MANBA: variants seen among roughly 807,000 people sequenced by gnomAD.
The protein encoded by MANBA is beta-mannosidase.
MANBA carries 83 observed loss-of-function variants against 111.1 expected under a neutral mutation model. The ratio of observed to expected loss-of-function variants is 0.75; its 90% CI spans 0.63 to 0.90. The LOEUF (loss-of-function observed/expected upper bound fraction) is 0.90. Ranked by LOEUF, MANBA falls within the 40% of genes least tolerant of loss-of-function variation. The pLI is 0.00. For missense variants in MANBA, 1,036 were observed against 1,069.0 expected, an observed-to-expected ratio of 0.97 and a Z score of 0.43; for synonymous variants, 370 against 378.7, an observed-to-expected ratio of 0.98 and a Z score of 0.27.
chr4:102,692,880 A>G (rs2110246333), intron 5 of MANBA, among the ~76,000 whole-genome samples: 1 of 152,052 alleles, frequency 6.6e-6, no homozygotes, highest in South Asian at 2.1e-4. Flanking sequence ...AAAAAAAGCT[A>G]GGTTTCTATG....
intron 5 of MANBA, among the ~76,000 whole-genome samples, chr4:102,712,684 A>C (rs1042064459): frequency 6.6e-6 from 1 of 151,842 alleles, no homozygotes; most frequent in African/African-American, 2.4e-5. Flanking sequence ...AGGCCTGGCT[A>C]ATTTTTGTAT....
chr4:102,729,763 C>T, intron 1 of MANBA: 1 of 1,237,276 alleles, frequency 8.1e-7, no homozygotes, highest in Non-Finnish European at 1.2e-6. Flanking sequence ...AACATGTTGT[C>T]CATGTTGCTC....
intron 7 of MANBA, among the ~76,000 whole-genome samples, chr4:102,688,360 CTCTT>C (rs1732315185): frequency 6.9e-6 from 1 of 144,660 alleles, no homozygotes; most frequent in South Asian, 2.3e-4. Context: ...CACATACACA[CTCTT>C]TCTCTCTCTC....
At chr4:102,757,175 C>G (rs1250912619) in intron 1 of MANBA, among the ~76,000 whole-genome samples, 1 of 151,884 alleles carries the variant, frequency 6.6e-6, no homozygotes, top group African/African-American at 2.4e-5. Flanking sequence ...ACTAAAAGTA[C>G]AAAATTAGCC....
At chr4:102,661,734 T>C (rs1232638448) in intron 11 of MANBA, among the ~76,000 whole-genome samples, 1 of 152,192 alleles carries the variant, frequency 6.6e-6, no homozygotes, top group Non-Finnish European at 1.5e-5. Flanking sequence ...TATAAATCCT[T>C]TATTCTTGAG....
At chr4:102,721,382 A>G (rs59031610) in intron 4 of MANBA, among the ~76,000 whole-genome samples, 8,660 of 152,228 alleles carry the variant, frequency 0.057, 727 homozygotes, top group African/African-American at 0.18. Context: ...AAAATTAAAA[A>G]TAGAATTACC....
intron 1 of MANBA, chr4:102,729,998 G>T (rs778157399): frequency 4.1e-5 from 35 of 863,798 alleles, no homozygotes; most frequent in Non-Finnish European, 6.4e-5. Context: ...CACCCACGCT[G>T]CTGCCCTCAC....
At chr4:102,733,142 G>T (rs1466783191) in intron 1 of MANBA, among the ~76,000 whole-genome samples, 1 of 152,140 alleles carries the variant, frequency 6.6e-6, no homozygotes, top group Non-Finnish European at 1.5e-5. Context: ...ATGTCATTCT[G>T]GATGTTAAAT....
chr4:102,664,660 T>C (rs545352296), intron 11 of MANBA, 25 bp downstream of exon 11: 2 of 1,588,618 alleles, frequency 1.3e-6, no homozygotes, highest in African/African-American at 2.7e-5. Flanking sequence ...TCTTAAATTC[T>C]ACTGCATTAA....
chr4:102,758,468 T>A (rs1420181465), intron 1 of MANBA, among the ~76,000 whole-genome samples: 1 of 152,164 alleles, frequency 6.6e-6, no homozygotes, highest in Non-Finnish European at 1.5e-5. Flanking sequence ...AGGGATGTTA[T>A]AATAAAGCAG....
intron 1 of MANBA, among the ~76,000 whole-genome samples, chr4:102,731,233 C>A (rs1723024160): frequency 6.6e-6 from 1 of 151,662 alleles, no homozygotes; most frequent in Non-Finnish European, 1.5e-5. Context: ...AAACACAAAA[C>A]CACCAGTATC....
intron 1 of MANBA, among the ~76,000 whole-genome samples, chr4:102,754,194 T>C (rs966171488): frequency 1.3e-5 from 2 of 152,170 alleles, no homozygotes; most frequent in Non-Finnish European, 1.5e-5. Flanking sequence ...ATAAGCACTC[T>C]GATAAAATAA....
intron 7 of MANBA, among the ~76,000 whole-genome samples, chr4:102,680,696 T>C (rs563707646): frequency 6.6e-6 from 1 of 152,362 alleles, no homozygotes; most frequent in Admixed American, 6.5e-5. Context: ...TTCTTTGATT[T>C]TTGCATGAAC....
rs951792572 is a variant in MANBA at position 102,673,909 on chromosome 4, A to G, written c.1112+10T>C. ...AAAAGAAGAACAAGAAAAGAAAGAC[A>G]ATAACTTACAACTCAGAGGTTACTC... On this transcript the variant is annotated intron_variant, in intron 8 of 16. Transcript: ENST00000647097. 38 of 1,604,416 alleles carry G rather than the reference A, an allele frequency of 2.4e-5. No individual in the cohort carries two copies. The highest frequency in any genetic ancestry group is 3.1e-5 in the Non-Finnish European group (36 of 1,171,314).
At chr4:102,669,316 A>T (rs1359606337) in intron 9 of MANBA, among the ~76,000 whole-genome samples, 1 of 152,192 alleles carries the variant, frequency 6.6e-6, no homozygotes, top group Non-Finnish European at 1.5e-5. Context: ...AATTTGAAAA[A>T]GAAAAAATGT....
intron 5 of MANBA, among the ~76,000 whole-genome samples, chr4:102,697,153 A>C (rs1219506115): frequency 1.3e-5 from 2 of 152,118 alleles, no homozygotes; most frequent in Admixed American, 1.3e-4. Context: ...TCAAGCAATG[A>C]GGAGACTAAT....
intron 7 of MANBA, among the ~76,000 whole-genome samples, chr4:102,678,802 T>A (rs1731837890): frequency 6.6e-6 from 1 of 152,104 alleles, no homozygotes; most frequent in African/African-American, 2.4e-5. Context: ...GCCTAAGAGG[T>A]ACGTGACTGA....
intron 5 of MANBA, among the ~76,000 whole-genome samples, chr4:102,709,154 GGAAAGGAAAA>G (rs1019076844): frequency 6.1e-5 from 9 of 148,132 alleles, no homozygotes; most frequent in African/African-American, 2.2e-4. Flanking sequence ...CCGTCAGGAA[GGAAAGGAAAA>G]GAAAGGAAAG....
At position 102,631,958 on chromosome 4, in the gene MANBA, C is replaced by G; in HGVS notation, c.*99G>C. 9.7e-7 allele frequency: 1 copy of G among 1,030,260 alleles called. No individual in the cohort carries two copies. The highest frequency in any genetic ancestry group is 1.5e-6 in the Non-Finnish European group (1 of 663,468). 63.8% of individuals were successfully genotyped at this position (1,030,260 alleles called of 1,614,324 possible). A position where few individuals can be genotyped will look rare whatever the true frequency, so the allele number is the denominator to read the frequency against. ...AATGCGTGGCAGCACGCAGACATGT[C>G]TCTCGGCTTCTCTCCTTGTCTCTGT... On this transcript the variant is annotated 3_prime_UTR_variant, in exon 17 of 17. Coordinates refer to ENST00000647097, the MANE Select transcript of MANBA (RefSeq NM_005908.4).
Sources: gnomAD v4.1 joint callset for allele counts (sites outside exome capture counted in the v4.1 genomes callset) on GRCh38, gnomAD v4.1.1 for gene constraint, MANE v1.5 for transcripts, NCBI Gene and HGNC (gene_info 2026-07-23, HGNC 2026-07-21) for gene names.